Variants in PTPN1 observed in about 807,000 individuals in gnomAD.
PTPN1 encodes tyrosine-protein phosphatase non-receptor type 1.
In PTPN1, 12 loss-of-function variants were observed where a neutral mutation model predicts 59.9. The ratio of observed to expected loss-of-function variants is 0.20; its 90% confidence interval spans 0.13 to 0.32. The LOEUF (loss-of-function observed/expected upper bound fraction) is 0.32. Among genes scored for constraint, PTPN1 ranks in the 10% least tolerant of loss-of-function variants. The probability of loss-of-function intolerance (pLI) is 1.00; values close to 1 mark genes in which losing one functional copy is unlikely to be tolerated. For missense variants in PTPN1, 356 were observed against 549.2 expected, an observed-to-expected ratio of 0.65 and a Z score of 3.52; for synonymous variants, 178 against 203.6, an observed-to-expected ratio of 0.87 and a Z score of 1.07.
intron 1 of PTPN1, among the ~76,000 whole-genome samples, chr20:50,539,165 A>G (rs550511136): frequency 1.5e-3 from 221 of 151,540 alleles, no homozygotes; most frequent in Non-Finnish European, 2.5e-3. Context: ...CCTCCTGAGT[A>G]GCTGGGATTA....
intron 3 of PTPN1, among the ~76,000 whole-genome samples, chr20:50,565,328 C>G (rs1404160207): frequency 6.6e-6 from 1 of 152,160 alleles, no homozygotes; most frequent in Non-Finnish European, 1.5e-5. Context: ...GCCAGAGTTG[C>G]CTGTGTGGTC....
intron 1 of PTPN1, among the ~76,000 whole-genome samples, chr20:50,531,863 G>A (rs1360397019): frequency 1.3e-5 from 2 of 152,052 alleles, no homozygotes; most frequent in African/African-American, 4.8e-5. Flanking sequence ...GTGGTACCAC[G>A]GCTACCACTA....
At chr20:50,535,287 G>C (rs560208318) in intron 1 of PTPN1, among the ~76,000 whole-genome samples, 1 of 152,190 alleles carries the variant, frequency 6.6e-6, no homozygotes, top group Non-Finnish European at 1.5e-5. Context: ...GCACTCCCTT[G>C]ATCTCCTGGC....
intron 8 of PTPN1, among the ~76,000 whole-genome samples, chr20:50,580,693 A>G (rs1159529232): frequency 6.6e-6 from 1 of 152,196 alleles, no homozygotes; most frequent in African/African-American, 2.4e-5. Flanking sequence ...CAGCAGTTGT[A>G]TACATGGAGA....
At chr20:50,575,394 C>G (rs1213726028) in intron 5 of PTPN1, among the ~76,000 whole-genome samples, 2 of 152,194 alleles carry the variant, frequency 1.3e-5, no homozygotes, top group Non-Finnish European at 2.9e-5. Flanking sequence ...TCCGTTTCCT[C>G]TTCTGTCAAA....
chr20:50,545,942 G>A (rs1462171053), intron 1 of PTPN1, among the ~76,000 whole-genome samples: 1 of 151,982 alleles, frequency 6.6e-6, no homozygotes, highest in African/African-American at 2.4e-5. Flanking sequence ...GTTGGCTGAG[G>A]TGGGAGGATC....
At chr20:50,541,762 G>A (rs564825024) in intron 1 of PTPN1, among the ~76,000 whole-genome samples, 1 of 152,230 alleles carries the variant, frequency 6.6e-6, no homozygotes, top group Non-Finnish European at 1.5e-5. Context: ...AAGCAACAGT[G>A]CCGGAACAGA....
Position 50,584,198 on chromosome 20 carries a change from G to T in PTPN1, c.*1483G>T, listed in dbSNP as rs925579795. On this transcript the variant is annotated 3_prime_UTR_variant, in exon 10 of 10. Coordinates refer to ENST00000371621, the MANE Select transcript of PTPN1 (RefSeq NM_002827.4). ...AGCATTTTCACATTTTGCCTTTCTCGTGGTAGAAGCCAGTACAGAGAAATT... is the reference window on the plus strand; with the variant it reads ...AGCATTTTCACATTTTGCCTTTCTCTTGGTAGAAGCCAGTACAGAGAAATT... The T allele has an allele frequency of 6.6e-6, 1 of 152,604 alleles. No homozygotes were observed. The highest frequency in any genetic ancestry group is 2.1e-4 in the South Asian group (1 of 4,830). 9.5% of individuals were successfully genotyped at this position (152,604 alleles called of 1,614,324 possible). A position where few individuals can be genotyped will look rare whatever the true frequency, so the allele number is the denominator to read the frequency against.
chr20:50,530,959 C>G (rs768354105), intron 1 of PTPN1, among the ~76,000 whole-genome samples: 1 of 152,150 alleles, frequency 6.6e-6, no homozygotes, highest in Non-Finnish European at 1.5e-5. Flanking sequence ...CTGCCTTGAC[C>G]TCCCAAAATG....
intron 1 of PTPN1, among the ~76,000 whole-genome samples, chr20:50,530,223 G>T (rs997269933): frequency 4.1e-5 from 6 of 146,782 alleles, no homozygotes; most frequent in African/African-American, 1.5e-4. Context: ...GGAACTTTAC[G>T]TGAATGTAAT....
intron 1 of PTPN1, among the ~76,000 whole-genome samples, chr20:50,533,005 G>A (rs1601392957): frequency 1.3e-5 from 2 of 151,204 alleles, no homozygotes; most frequent in Middle Eastern, 7.0e-3. Context: ...GTATTGCCCT[G>A]TTTTGTTCCT....
chr20:50,574,842 G>C (rs1485234160), intron 5 of PTPN1, 188 bp downstream of exon 5: 34 of 608,500 alleles, frequency 5.6e-5, no homozygotes, highest in Non-Finnish European at 1.9e-5. Context: ...GAGGGTGGAG[G>C]CCACAGTGCT....
At chr20:50,567,701 A>G (rs1343494989) in intron 3 of PTPN1, among the ~76,000 whole-genome samples, 2 of 152,150 alleles carry the variant, frequency 1.3e-5, no homozygotes, top group Non-Finnish European at 2.9e-5. Flanking sequence ...CCCTTGGGCC[A>G]CCTCATTGAC....
chr20:50,526,071 G>T (rs1471713460), intron 1 of PTPN1, among the ~76,000 whole-genome samples: 1 of 152,076 alleles, frequency 6.6e-6, no homozygotes, highest in East Asian at 1.9e-4. Flanking sequence ...GGGGTGCGGG[G>T]GAGCACATAG....
intron 5 of PTPN1, among the ~76,000 whole-genome samples, chr20:50,575,459 C>T (rs1208138963): frequency 6.6e-6 from 1 of 152,186 alleles, no homozygotes; most frequent in Admixed American, 6.5e-5. Flanking sequence ...TAGCAGTTAC[C>T]ATGGGTGTGT....
intron 5 of PTPN1, chr20:50,578,098 A>G: frequency 4.5e-6 from 1 of 220,376 alleles, no homozygotes; most frequent in Admixed American, 5.4e-5. Context: ...GCCCAGCATC[A>G]TTGTGACTCG....
At chr20:50,550,150 T>C (rs1403568478) in intron 1 of PTPN1, among the ~76,000 whole-genome samples, 1 of 152,212 alleles carries the variant, frequency 6.6e-6, no homozygotes, top group African/African-American at 2.4e-5. Flanking sequence ...ACTTACTGCA[T>C]TTTAAATCAT....
At chr20:50,554,380 A>ACTCTCTCTCTCTCTCTC (rs1555829976) in intron 1 of PTPN1, among the ~76,000 whole-genome samples, 6 of 140,192 alleles carry the variant, frequency 4.3e-5, no homozygotes, top group Non-Finnish European at 6.2e-5. Flanking sequence ...GCAAGACCAC[A>ACTCTCTCTCTCTCTCTC]TCTCTCTCTC....
chr20:50,532,728 GTGTC>G (rs1444715074), intron 1 of PTPN1, among the ~76,000 whole-genome samples: 2 of 152,134 alleles, frequency 1.3e-5, no homozygotes, highest in Admixed American at 6.5e-5. Flanking sequence ...GTGTGTGTGT[GTGTC>G]TGTCTATGTG....
Sources: gnomAD v4.1 joint callset for allele counts (sites outside exome capture counted in the v4.1 genomes callset) on GRCh38, gnomAD v4.1.1 for gene constraint, MANE v1.5 for transcripts, NCBI Gene and HGNC (gene_info 2026-07-23, HGNC 2026-07-21) for gene names.